The following RANBP17 variants were observed in gnomAD, a reference collection of about 807,000 sequenced individuals.
RANBP17 encodes the protein ran-binding protein 17.
In RANBP17, 158 loss-of-function variants were observed where a neutral mutation model predicts 141.2. The ratio of observed to expected loss-of-function variants is 1.12; its 90% confidence interval spans 0.98 to 1.28. The LOEUF (loss-of-function observed/expected upper bound fraction) is 1.28. RANBP17 is among the 50% of genes most tolerant of loss of function. The probability of loss-of-function intolerance (pLI) is 0.00; values close to 1 mark genes in which losing one functional copy is unlikely to be tolerated. For missense variants in RANBP17, 1,438 were observed against 1,290.7 expected (o/e 1.11, Z -1.75); for synonymous variants, 430 against 450.0 (o/e 0.96, Z 0.56).
intron 7 of RANBP17, among the ~76,000 whole-genome samples, 155 bp from the exon 8 acceptor site, chr5:170,914,012 T>C (rs908102027): frequency 6.6e-6 from 1 of 152,088 alleles, no homozygotes. Context: ...ATTTCATCTT[T>C]CAAAGGAAAA....
chr5:171,235,213 A>C (rs1764463354), intron 22 of RANBP17, among the ~76,000 whole-genome samples: 1 of 152,148 alleles, frequency 6.6e-6, no homozygotes, highest in African/African-American at 2.4e-5. Flanking sequence ...TGAAAAGAGC[A>C]CTTTGAGTGG....
At chr5:171,228,257 A>G (rs1042775436) in intron 22 of RANBP17, among the ~76,000 whole-genome samples, 4 of 152,342 alleles carry the variant, frequency 2.6e-5, no homozygotes, top group South Asian at 2.1e-4. Flanking sequence ...GTGAAAATCA[A>G]TATTTAGCGG....
chr5:170,967,028 C>T (rs1316533969), intron 13 of RANBP17, among the ~76,000 whole-genome samples: 2 of 152,078 alleles, frequency 1.3e-5, no homozygotes, highest in South Asian at 4.1e-4. Context: ...CAAACCACTG[C>T]TCAATGAAAT....
At chr5:171,280,278 T>A (rs2128035847) in intron 25 of RANBP17, among the ~76,000 whole-genome samples, 1 of 152,182 alleles carries the variant, frequency 6.6e-6, no homozygotes, top group Middle Eastern at 3.4e-3. Context: ...TTGGGGGTTT[T>A]GTTTTTGTTT....
At chr5:171,009,472 ATATTTT>A (rs1261196434) in intron 14 of RANBP17, among the ~76,000 whole-genome samples, 2 of 152,254 alleles carry the variant, frequency 1.3e-5, no homozygotes, top group African/African-American at 4.8e-5. Flanking sequence ...TAATATACAG[ATATTTT>A]TATTTTGTAC....
At chr5:171,290,082 A>G (rs577400033) in intron 25 of RANBP17, among the ~76,000 whole-genome samples, 80 of 150,018 alleles carry the variant, frequency 5.3e-4, no homozygotes, top group Admixed American at 1.5e-3. Context: ...AGAAAGTATG[A>G]CTCGGGCCAG....
chr5:171,190,445 T>C (rs577524671), intron 18 of RANBP17, among the ~76,000 whole-genome samples: 1 of 152,282 alleles, frequency 6.6e-6, no homozygotes, highest in Admixed American at 6.5e-5. Flanking sequence ...AATAGTGGTG[T>C]TTCAAAACAT....
rs1242937304 is a variant in RANBP17 at position 171,226,878 on chromosome 5, T to C, written c.2422+5038T>C. Among the ~76,000 whole-genome samples, 6 of 152,382 alleles carry C rather than the reference T, an allele frequency of 3.9e-5. No homozygotes were observed. In the East Asian group the frequency reaches 1.2e-3, roughly 29 times the overall value. The stretch of plus-strand genomic sequence containing the variant: ...TCTTTTTGTTGTACTTTGCAGATAC[T>C]GTGTTTTTTATAAATTGAAGGTTTG... On this transcript the variant is annotated intron_variant, in intron 22 of 27. Coordinates refer to ENST00000523189, the MANE Select transcript of RANBP17 (RefSeq NM_022897.5).
intron 14 of RANBP17, among the ~76,000 whole-genome samples, chr5:171,169,864 T>C (rs1759976444): frequency 6.6e-6 from 1 of 151,670 alleles, no homozygotes; most frequent in African/African-American, 2.4e-5. Flanking sequence ...AAAAAATGTG[T>C]GTGGTGTGGT....
At chr5:170,969,619 A>G (rs1776844789) in intron 14 of RANBP17, among the ~76,000 whole-genome samples, 1 of 151,670 alleles carries the variant, frequency 6.6e-6, no homozygotes. Flanking sequence ...TTAAATCAAA[A>G]CAGTATAATA....
intron 2 of RANBP17, among the ~76,000 whole-genome samples, chr5:170,878,803 G>A (rs958135758): frequency 6.6e-6 from 1 of 152,162 alleles, no homozygotes; most frequent in Non-Finnish European, 1.5e-5. Flanking sequence ...AACGATTGCA[G>A]TAAGAGACTG....
Position 170,911,035 on chromosome 5 carries a change from C to G in RANBP17, c.661C>G (p.Leu221Val). 1 of 1,612,178 alleles carries G rather than the reference C, an allele frequency of 6.2e-7. No homozygotes were observed. The highest frequency in any genetic ancestry group is 8.5e-7 in the Non-Finnish European group (1 of 1,178,762). The change falls in exon 7 of 28, where the codon CTG (leucine) becomes GTG (valine). Residue 221 changes from leucine to valine, a missense_variant. Leu to Val is a conservative substitution (Grantham distance 32). Coordinates refer to ENST00000523189, the MANE Select transcript of RANBP17 (RefSeq NM_022897.5). ...AAATCTGGTAATGCAGGTCTTGAAA[C>G]TGGTCCTTAACTGCCTTAACTTTGA... ...QQNLVMQVLK[L>V]VLNCLNFDFI...
chr5:170,961,740 A>C (rs945952111), intron 13 of RANBP17, among the ~76,000 whole-genome samples: 2 of 152,190 alleles, frequency 1.3e-5, no homozygotes, highest in Non-Finnish European at 1.5e-5. Context: ...CACAAAAGGA[A>C]TACTTAACCT....
At chr5:171,036,622 T>A (rs1371118597) in intron 14 of RANBP17, among the ~76,000 whole-genome samples, 2 of 152,198 alleles carry the variant, frequency 1.3e-5, no homozygotes, top group African/African-American at 4.8e-5. Context: ...GCTGTGTCTC[T>A]TGTTGCCATC....
intron 19 of RANBP17, among the ~76,000 whole-genome samples, chr5:171,201,192 T>C (rs900913172): frequency 6.6e-6 from 1 of 152,222 alleles, no homozygotes; most frequent in African/African-American, 2.4e-5. Flanking sequence ...TCCAGTGATA[T>C]ATCCCTAAAC....
At chr5:171,065,688 C>T (rs1784270123) in intron 14 of RANBP17, among the ~76,000 whole-genome samples, 2 of 152,018 alleles carry the variant, frequency 1.3e-5, no homozygotes, top group Non-Finnish European at 2.9e-5. Flanking sequence ...GGATCTAATT[C>T]TAGAAATTAT....
chr5:171,055,784 G>A (rs763288366), intron 14 of RANBP17, among the ~76,000 whole-genome samples: 1 of 147,476 alleles, frequency 6.8e-6, no homozygotes, highest in East Asian at 2.1e-4. Context: ...GGCTTTTATT[G>A]GCTCTGTAAG....
At chr5:170,912,070 A>G (rs1181695079) in intron 7 of RANBP17, among the ~76,000 whole-genome samples, 1 of 151,902 alleles carries the variant, frequency 6.6e-6, no homozygotes, top group South Asian at 2.1e-4. Context: ...GAGGCCTCAT[A>G]TTCATGGATA....
intron 16 of RANBP17, among the ~76,000 whole-genome samples, chr5:171,180,270 T>C (rs557242049): frequency 9.8e-5 from 15 of 152,350 alleles, no homozygotes; most frequent in South Asian, 2.1e-4. Context: ...CTAGCCTCTT[T>C]AAAATCAAAT....
Sources: allele counts gnomAD v4.1 joint callset (sites outside exome capture counted in the v4.1 genomes callset), GRCh38; gene constraint gnomAD v4.1.1; transcripts MANE v1.5; gene names NCBI Gene and HGNC (gene_info 2026-07-23, HGNC 2026-07-21).